SLC27A6: variants seen among roughly 807,000 people sequenced by gnomAD.
SLC27A6 encodes solute carrier family 27 member 6.
In SLC27A6, 74 loss-of-function variants were observed where a neutral mutation model predicts 63.9. The observed-to-expected ratio is 1.16, with a 90% CI of 0.96 to 1.40. The LOEUF is 1.40. SLC27A6 is among the 40% of genes most tolerant of loss of function. The probability of loss-of-function intolerance (pLI) is 0.00; values close to 1 mark genes in which losing one functional copy is unlikely to be tolerated. For missense variants in SLC27A6, 794 were observed against 732.9 expected, an observed-to-expected ratio of 1.08 and a Z score of -0.96; for synonymous variants, 287 against 260.8, an observed-to-expected ratio of 1.10 and a Z score of -0.97.
At chr5:128,969,339 A>G (rs1307465349) in intron 1 of SLC27A6, among the ~76,000 whole-genome samples, 2 of 150,422 alleles carry the variant, frequency 1.3e-5, no homozygotes, top group African/African-American at 2.4e-5. Context: ...CATTGAATCT[A>G]TAAGTTACCT....
At chr5:129,021,097 C>A (rs1458121285) in intron 5 of SLC27A6, among the ~76,000 whole-genome samples, 1 of 150,898 alleles carries the variant, frequency 6.6e-6, no homozygotes, top group African/African-American at 2.4e-5. Flanking sequence ...GGAGGTCAAG[C>A]TGGGTGATCC....
chr5:128,975,586 A>G (rs1387602331), intron 1 of SLC27A6, among the ~76,000 whole-genome samples: 6 of 152,220 alleles, frequency 3.9e-5, no homozygotes, highest in Non-Finnish European at 8.8e-5. Context: ...GAAATGGTAC[A>G]GTAAAAACAT....
At chr5:129,003,144 A>C (rs1465503342) in intron 4 of SLC27A6, among the ~76,000 whole-genome samples, 1 of 152,176 alleles carries the variant, frequency 6.6e-6, no homozygotes, top group Non-Finnish European at 1.5e-5. Context: ...AGAGAGAGAG[A>C]GAGCAAGAGA....
At chr5:129,003,663 C>T (rs945241934) in intron 4 of SLC27A6, among the ~76,000 whole-genome samples, 1 of 151,932 alleles carries the variant, frequency 6.6e-6, no homozygotes, top group Non-Finnish European at 1.5e-5. Context: ...ATAGTGAGGC[C>T]CTGTCTCTAC....
At chr5:129,030,559 ATT>A (rs1163384704) in intron 9 of SLC27A6, among the ~76,000 whole-genome samples, 2 of 152,050 alleles carry the variant, frequency 1.3e-5, no homozygotes, top group Admixed American at 1.3e-4. Context: ...TCTCTTTTTG[ATT>A]TTGAGTTTTT....
chr5:129,020,173 G>T (rs542323188), intron 5 of SLC27A6, among the ~76,000 whole-genome samples: 100 of 152,226 alleles, frequency 6.6e-4, no homozygotes, highest in African/African-American at 2.3e-3. Flanking sequence ...CTTCACTTAA[G>T]AATTTTTGTT....
intron 4 of SLC27A6, among the ~76,000 whole-genome samples, chr5:129,008,003 T>C (rs1225345690): frequency 6.6e-6 from 1 of 152,062 alleles, no homozygotes; most frequent in East Asian, 1.9e-4. Flanking sequence ...ATGGTGATTA[T>C]AACTTTTAAT....
chr5:129,003,492 A>G (rs1019515191), intron 4 of SLC27A6, among the ~76,000 whole-genome samples: 1 of 152,192 alleles, frequency 6.6e-6, no homozygotes, highest in African/African-American at 2.4e-5. Flanking sequence ...AATTCAAGCC[A>G]CAGCTTATTG....
intron 1 of SLC27A6, among the ~76,000 whole-genome samples, chr5:128,973,220 G>A (rs555730198): frequency 1.6e-4 from 24 of 152,266 alleles, no homozygotes; most frequent in South Asian, 6.2e-4. Context: ...TAGGCTACTC[G>A]TGGGTCAGGG....
At chr5:128,972,051 G>A (rs1580699193) in intron 1 of SLC27A6, among the ~76,000 whole-genome samples, 1 of 152,034 alleles carries the variant, frequency 6.6e-6, no homozygotes, top group Non-Finnish European at 1.5e-5. Context: ...TGAAATTCTG[G>A]GTTGAAAATT....
At chr5:128,983,017 T>C (rs1750645794) in intron 1 of SLC27A6, among the ~76,000 whole-genome samples, 1 of 152,168 alleles carries the variant, frequency 6.6e-6, no homozygotes, top group Non-Finnish European at 1.5e-5. Context: ...ATCTGGGTTA[T>C]AGATTTCATG....
In SLC27A6 at chr5:129,013,367, T is replaced by A. The variant is rs1166175015; in HGVS notation, c.970-2518T>A. ...TAAAAACAAAATTTTCCATTTTTAT[T>A]TGTGTGAAAACATGTTTTTCCTTTA... On this transcript the variant is annotated intron_variant, in intron 4 of 9. Coordinates refer to ENST00000262462, the MANE Select transcript of SLC27A6 (RefSeq NM_001017372.3). Among the ~76,000 whole-genome samples, 12 of 152,140 alleles carry A rather than the reference T, an allele frequency of 7.9e-5. No homozygotes were observed. The East Asian group carries it at 2.3e-3, about 29-fold the overall frequency.
At chr5:128,994,822 CT>C (rs916011026) in intron 4 of SLC27A6, among the ~76,000 whole-genome samples, 2 of 152,192 alleles carry the variant, frequency 1.3e-5, no homozygotes, top group African/African-American at 4.8e-5. Flanking sequence ...CTAGGGTTGG[CT>C]TTCTATGGCC....
intron 6 of SLC27A6, among the ~76,000 whole-genome samples, chr5:129,025,818 A>G (rs1340160709): frequency 2.0e-5 from 3 of 152,100 alleles, no homozygotes; most frequent in African/African-American, 7.2e-5. Context: ...CAGAATGCCC[A>G]GGAGTGGGAG....
chr5:129,016,615 C>A (rs115801262), intron 5 of SLC27A6, among the ~76,000 whole-genome samples: 1 of 151,302 alleles, frequency 6.6e-6, no homozygotes, highest in African/African-American at 2.4e-5. Context: ...ATAATGATGC[C>A]TTTTCTTGTT....
chr5:129,013,089 T>C (rs988131525), intron 4 of SLC27A6, among the ~76,000 whole-genome samples: 1 of 151,974 alleles, frequency 6.6e-6, no homozygotes, highest in Non-Finnish European at 1.5e-5. Flanking sequence ...TATACATCCT[T>C]TTATATTTGT....
chr5:128,984,992 G>C, intron 1 of SLC27A6, 141 bp from the exon 2 acceptor site: 1 of 642,822 alleles, frequency 1.6e-6, no homozygotes, highest in Non-Finnish European at 2.7e-6. Flanking sequence ...TAAAATGACT[G>C]TGATATTACT....
rs779815009 is a variant in SLC27A6, at chr5:128,966,586, C to T, written c.449C>T (p.Ala150Val). The T allele has an allele frequency of 3.0e-5, 46 of 1,543,336 alleles. No individual in the cohort carries two copies. The highest frequency in any genetic ancestry group is 3.8e-5 in the Non-Finnish European group (44 of 1,152,852). ...AACTCCCTCCTGAATTGCATCCGCG[C>T]CTGTGGGCCCAGAGCCCTAGTGGTG... is the stretch of plus-strand genomic sequence containing the variant. ...RSNSLLNCIR[A>V]CGPRALVVGA... The change falls in exon 1 of 10, where the codon GCC becomes GTC. Residue 150 changes from alanine to valine, a missense_variant. Coordinates refer to ENST00000262462, the MANE Select transcript of SLC27A6 (RefSeq NM_001017372.3).
At chr5:128,991,975 A>G (rs1750998048) in intron 4 of SLC27A6, among the ~76,000 whole-genome samples, 1 of 151,498 alleles carries the variant, frequency 6.6e-6, no homozygotes, top group African/African-American at 2.4e-5. Flanking sequence ...TGAGACTATA[A>G]AGAAGTTACT....
Sources: allele counts gnomAD v4.1 joint callset (sites outside exome capture counted in the v4.1 genomes callset), GRCh38; gene constraint gnomAD v4.1.1; transcripts MANE v1.5; gene names NCBI Gene and HGNC (gene_info 2026-07-23, HGNC 2026-07-21).